Variants in SPMIP2 observed in about 807,000 individuals in gnomAD.
SPMIP2 encodes the protein sperm microtubule inner protein 2.
the SPMIP2 span, among the ~76,000 whole-genome samples, chr4:159,076,830 G>T: frequency 7.5e-6 from 1 of 133,052 alleles, no homozygotes; most frequent in East Asian, 2.1e-4. Context: ...ACCATTCCTG[G>T]CACTAAACAG....
At chr4:159,034,912 A>G in the SPMIP2 span, 6,333 of 767,864 alleles carry the variant, frequency 8.2e-3, 31 homozygotes, top group Non-Finnish European at 9.6e-3. Context: ...CCCAAAAAAC[A>G]AACAAAAACA....
the SPMIP2 span, chr4:158,960,251 C>A: frequency 8.1e-7 from 1 of 1,231,666 alleles, no homozygotes; most frequent in Non-Finnish European, 1.2e-6. Context: ...GAAAGAAACA[C>A]AGTAATTAAT....
chr4:158,978,468 C>T, the SPMIP2 span, among the ~76,000 whole-genome samples: 1 of 152,188 alleles, frequency 6.6e-6, no homozygotes, highest in African/African-American at 2.4e-5. Context: ...CCTGCATATC[C>T]TTGTTAATTT....
the SPMIP2 span, among the ~76,000 whole-genome samples, chr4:158,991,996 A>T: frequency 6.6e-6 from 1 of 152,170 alleles, no homozygotes; most frequent in Admixed American, 6.6e-5. Context: ...GGCTCCAGGG[A>T]TCCTCCTGAC....
the SPMIP2 span, among the ~76,000 whole-genome samples, chr4:158,912,818 T>C: frequency 2.6e-5 from 4 of 152,332 alleles, no homozygotes; most frequent in Non-Finnish European, 4.4e-5. Context: ...GATAAAAAGA[T>C]AAATTATTTT....
chr4:158,915,983 G>C, the SPMIP2 span, among the ~76,000 whole-genome samples: 2 of 151,126 alleles, frequency 1.3e-5, no homozygotes, highest in South Asian at 2.1e-4. Context: ...GTTTCTTAGA[G>C]AGCCTCTTGG....
the SPMIP2 span, among the ~76,000 whole-genome samples, chr4:159,081,188 C>G: frequency 2.2e-4 from 33 of 152,124 alleles, no homozygotes; most frequent in East Asian, 6.2e-3. Context: ...CAGGTGCGCA[C>G]CACTGCACCT....
the SPMIP2 span, among the ~76,000 whole-genome samples, chr4:159,077,598 T>C: frequency 6.6e-6 from 1 of 152,238 alleles, no homozygotes; most frequent in Non-Finnish European, 1.5e-5. Flanking sequence ...TAAACCCAGC[T>C]GTATTAGAAA....
the SPMIP2 span, among the ~76,000 whole-genome samples, chr4:158,897,041 CTGTG>C: frequency 6.6e-6 from 1 of 151,916 alleles, no homozygotes; most frequent in Non-Finnish European, 1.5e-5. Flanking sequence ...GTTCCCCTTC[CTGTG>C]TGTGTTGTCA....
At chr4:158,989,188 G>T in the SPMIP2 span, among the ~76,000 whole-genome samples, 1 of 152,106 alleles carries the variant, frequency 6.6e-6, no homozygotes, top group East Asian at 1.9e-4. Context: ...AGATGTGAAG[G>T]ATCTCCTCAA....
the SPMIP2 span, among the ~76,000 whole-genome samples, chr4:158,947,223 CA>C: frequency 6.6e-6 from 1 of 152,022 alleles, no homozygotes; most frequent in Non-Finnish European, 1.5e-5. Flanking sequence ...GTCTTAAAAA[CA>C]GAAAACTGTC....
At chr4:159,011,769 A>G in the SPMIP2 span, among the ~76,000 whole-genome samples, 1 of 148,880 alleles carries the variant, frequency 6.7e-6, no homozygotes, top group Non-Finnish European at 1.5e-5. Context: ...AAAAAAAAAA[A>G]ATTATTCTGA....
At chr4:158,986,575 C>T in the SPMIP2 span, among the ~76,000 whole-genome samples, 4 of 151,902 alleles carry the variant, frequency 2.6e-5, no homozygotes, top group Non-Finnish European at 4.4e-5. Context: ...ACTAGCTAGC[C>T]ATATGTAGAA....
the SPMIP2 span, among the ~76,000 whole-genome samples, chr4:158,900,816 G>T: frequency 6.6e-6 from 1 of 152,104 alleles, no homozygotes; most frequent in Admixed American, 6.6e-5. Context: ...TTTAATTGGG[G>T]CATTTAGCCC....
chr4:158,984,241 AG>A, the SPMIP2 span, among the ~76,000 whole-genome samples: 1 of 26,822 alleles, frequency 3.7e-5, no homozygotes, highest in African/African-American at 1.1e-4. Context: ...AAAGTTAACA[AG>A]GATACCCAGG....
chr4:159,004,662 G>A, the SPMIP2 span, among the ~76,000 whole-genome samples: 1 of 152,064 alleles, frequency 6.6e-6, no homozygotes, highest in African/African-American at 2.4e-5. Context: ...GACTTTACCT[G>A]ATTATAAATA....
chr4:159,048,731 CTTTTTTTTTT>C, the SPMIP2 span, among the ~76,000 whole-genome samples: 2 of 111,470 alleles, frequency 1.8e-5, no homozygotes, highest in Non-Finnish European at 3.6e-5. Flanking sequence ...TCCCCTTCCA[CTTTTTTTTTT>C]TTTTTTTTTT....
chr4:158,893,165 G>A, the SPMIP2 span: 1 of 152,602 alleles, frequency 6.6e-6, no homozygotes, highest in Non-Finnish European at 1.5e-5. Context: ...TTCAACAAGG[G>A]TGCTGTGAGA....
chr4:158,966,965 G>C, the SPMIP2 span, among the ~76,000 whole-genome samples: 5 of 152,210 alleles, frequency 3.3e-5, no homozygotes, highest in Admixed American at 2.6e-4. Flanking sequence ...ATGCCCACTT[G>C]AATGTGGCAG....
Sources: gnomAD v4.1 joint callset for allele counts (sites outside exome capture counted in the v4.1 genomes callset) on GRCh38, gnomAD v4.1.1 for gene constraint, MANE v1.5 for transcripts, NCBI Gene and HGNC (gene_info 2026-07-23, HGNC 2026-07-21) for gene names.